The following SLIT1 variants were observed in gnomAD, a reference collection of about 807,000 sequenced individuals.
SLIT1 encodes the protein slit homolog 1 protein.
In SLIT1, 66 loss-of-function variants were observed where a neutral mutation model predicts 186.1. That is an observed-to-expected ratio of 0.35 (90% CI 0.29 to 0.44). SLIT1 has a LOEUF of 0.44. Among genes scored for constraint, SLIT1 ranks in the 20% least tolerant of loss-of-function variants. The probability of loss-of-function intolerance (pLI) is 1.00; values close to 1 mark genes in which losing one functional copy is unlikely to be tolerated. For synonymous variants in SLIT1, 761 were observed against 833.8 expected (o/e 0.91, Z 1.50); for missense variants, 1,638 against 2,037.4 (o/e 0.80, Z 3.77).
At chr10:97,130,636 CTCT>C (rs1330139652) in intron 4 of SLIT1, among the ~76,000 whole-genome samples, 3 of 152,294 alleles carry the variant, frequency 2.0e-5, no homozygotes, top group Non-Finnish European at 4.4e-5. Context: ...CAAGTCCTGG[CTCT>C]TCTTCTTTCT....
At chr10:97,147,663 G>T (rs1423360221) in intron 4 of SLIT1, among the ~76,000 whole-genome samples, 1 of 151,970 alleles carries the variant, frequency 6.6e-6, no homozygotes. Flanking sequence ...TGTGGGGGGC[G>T]ACTGAGGCTC....
chr10:97,115,269 C>T (rs1417763263), intron 4 of SLIT1, among the ~76,000 whole-genome samples: 1 of 152,192 alleles, frequency 6.6e-6, no homozygotes, highest in Non-Finnish European at 1.5e-5. Context: ...ATGCTTGAGG[C>T]TCAACATCCA....
chr10:97,011,247 C>T (rs950406715), intron 30 of SLIT1, 117 bp from the exon 31 acceptor site: 5 of 722,878 alleles, frequency 6.9e-6, no homozygotes, highest in African/African-American at 3.5e-5. Flanking sequence ...ACCTCAAGTT[C>T]CATTGAGGCT....
chr10:97,144,983 G>T (rs1294133291), intron 4 of SLIT1, among the ~76,000 whole-genome samples: 3 of 152,040 alleles, frequency 2.0e-5, no homozygotes, highest in Admixed American at 6.6e-5. Flanking sequence ...CAGTACCCAG[G>T]ATCACTGGAG....
chr10:97,099,254 G>A (rs1849325071), intron 4 of SLIT1, among the ~76,000 whole-genome samples: 1 of 152,160 alleles, frequency 6.6e-6, no homozygotes, highest in African/African-American at 2.4e-5. Context: ...GAAAAGGGAA[G>A]GCTGAAGTCA....
In SLIT1 at chr10:97,104,109, G is replaced by A. The variant is rs148260594; in HGVS notation, c.414-38023C>T. Among the ~76,000 whole-genome samples the A allele has an allele frequency of 2.3e-3, 356 of 152,140 alleles. 1 individual carries two copies. The highest frequency in any genetic ancestry group is 5.9e-3 in the African/African-American group (244 of 41,496). The stretch of plus-strand genomic sequence containing the variant: ...CAGAGAAGAATCAAGCAGGTGAGGG[G>A]TAAAAGCACTGGGGGTGCCGAGTGG... On this transcript the variant is annotated intron_variant, in intron 4 of 36. Coordinates refer to ENST00000266058, the MANE Select transcript of SLIT1 (RefSeq NM_003061.3).
Position 97,185,763 on chromosome 10 carries a change from G to A in SLIT1, c.-89C>T. 8.4e-7 allele frequency: 1 copy of A among 1,187,812 alleles called. No homozygotes were observed. The highest frequency in any genetic ancestry group is 1.1e-6 in the Non-Finnish European group (1 of 901,228). 73.6% of individuals were successfully genotyped at this position (1,187,812 alleles called of 1,614,324 possible). On this transcript the variant is annotated 5_prime_UTR_variant, in exon 1 of 37. Transcript: ENST00000266058. The stretch of plus-strand genomic sequence containing the variant: ...GGCCGCCTCCAGGTGCAGTCCCGGG[G>A]CAGAGCCACCGAAGAGCCCGCGGGC...
At chr10:97,099,812 C>A (rs2134669600) in intron 4 of SLIT1, among the ~76,000 whole-genome samples, 1 of 152,298 alleles carries the variant, frequency 6.6e-6, no homozygotes, top group African/African-American at 2.4e-5. Context: ...GTCTGGTTAC[C>A]ATGAAATGGA....
At chr10:97,061,522 G>A (rs963957543) in intron 8 of SLIT1, among the ~76,000 whole-genome samples, 15 of 152,178 alleles carry the variant, frequency 9.9e-5, no homozygotes, top group African/African-American at 3.6e-4. Context: ...TGTTCTGCTC[G>A]TTTACGAACT....
intron 4 of SLIT1, among the ~76,000 whole-genome samples, chr10:97,077,369 A>G (rs1305276269): frequency 6.6e-6 from 1 of 151,982 alleles, no homozygotes; most frequent in African/African-American, 2.4e-5. Context: ...TCCCCTTCCT[A>G]ATCCTGGGTG....
chr10:97,134,381 G>A (rs575589554), intron 4 of SLIT1, among the ~76,000 whole-genome samples: 5 of 152,270 alleles, frequency 3.3e-5, no homozygotes, highest in South Asian at 2.1e-4. Flanking sequence ...TGAAGGCCGC[G>A]GTTTCCTGGC....
At chr10:97,042,772 C>G (rs1422067495) in intron 20 of SLIT1, 129 bp downstream of exon 20, 1 of 977,596 alleles carries the variant, frequency 1.0e-6, no homozygotes, top group Non-Finnish European at 1.5e-6. Context: ...CTCCCCTCCC[C>G]ACCTAACCTC....
At chr10:97,029,044 CAT>C (rs1178873189) in intron 25 of SLIT1, among the ~76,000 whole-genome samples, 1 of 152,222 alleles carries the variant, frequency 6.6e-6, no homozygotes, top group Non-Finnish European at 1.5e-5. Context: ...TCCTGCCAAT[CAT>C]GTGGAGCTGG....
chr10:97,141,121 C>G (rs570931751), intron 4 of SLIT1, among the ~76,000 whole-genome samples: 5 of 152,262 alleles, frequency 3.3e-5, no homozygotes, highest in African/African-American at 9.6e-5. Flanking sequence ...CCCTGGCTCC[C>G]GACGACAGCT....
chr10:97,174,111 C>G (rs1850226218), intron 1 of SLIT1, among the ~76,000 whole-genome samples: 1 of 152,180 alleles, frequency 6.6e-6, no homozygotes, highest in African/African-American at 2.4e-5. Context: ...ACGCCCTCTT[C>G]TAAACCAGCT....
At chr10:97,165,810 C>T (rs1036871962) in intron 1 of SLIT1, among the ~76,000 whole-genome samples, 4 of 152,244 alleles carry the variant, frequency 2.6e-5, no homozygotes, top group African/African-American at 9.6e-5. Flanking sequence ...ACAGCTCCTC[C>T]TCTCACCCCA....
At chr10:97,148,413 T>A (rs1372389820) in intron 4 of SLIT1, among the ~76,000 whole-genome samples, 1 of 151,806 alleles carries the variant, frequency 6.6e-6, no homozygotes, top group Non-Finnish European at 1.5e-5. Flanking sequence ...CTCAGCCTCC[T>A]GAGTAGCTGG....
chr10:97,157,950 C>A, intron 3 of SLIT1, 61 bp from the exon 4 acceptor site: 1 of 1,241,678 alleles, frequency 8.1e-7, no homozygotes. Context: ...AAGGACTTCT[C>A]AGAAAGCACA....
At position 97,085,665 on chromosome 10, in the gene SLIT1, C is replaced by T. The variant is rs1385971203; in HGVS notation, c.414-19579G>A. Among the ~76,000 whole-genome samples, 4 of 152,136 alleles carry T rather than the reference C, an allele frequency of 2.6e-5. No individual in the cohort carries two copies. The East Asian group carries it at 5.8e-4, about 22-fold the overall frequency. ...CCTCCCAAAGTGCTGGGATTATGGG[C>T]GTGAGCCACCGTGCCCAGCCAGCAC... On this transcript the variant is annotated intron_variant, in intron 4 of 36. Coordinates refer to ENST00000266058, the MANE Select transcript of SLIT1 (RefSeq NM_003061.3).
Sources: allele counts gnomAD v4.1 joint callset (sites outside exome capture counted in the v4.1 genomes callset), GRCh38; gene constraint gnomAD v4.1.1; transcripts MANE v1.5; gene names NCBI Gene and HGNC (gene_info 2026-07-23, HGNC 2026-07-21).